UBE4B: variants seen among roughly 807,000 people sequenced by gnomAD.
UBE4B encodes ubiquitination factor E4B.
In UBE4B, 27 loss-of-function variants were observed where a neutral mutation model predicts 148.1. The observed-to-expected ratio is 0.18, with a 90% CI of 0.13 to 0.25. The LOEUF (loss-of-function observed/expected upper bound fraction) is 0.25, where lower values mean the gene tolerates loss of function less well. Among genes scored for constraint, UBE4B ranks in the 10% least tolerant of loss-of-function variants. The pLI is 1.00. For missense variants in UBE4B, 1,170 were observed against 1,662.4 expected (o/e 0.70, Z 5.15); for synonymous variants, 596 against 619.3 (o/e 0.96, Z 0.56).
chr1:10,062,204 G>A (rs189700711), intron 1 of UBE4B, among the ~76,000 whole-genome samples: 3 of 151,946 alleles, frequency 2.0e-5, no homozygotes, highest in African/African-American at 7.2e-5. Flanking sequence ...CACCACACCC[G>A]GCCCTATTTT....
rs1303758294 is a variant in UBE4B, at chr1:10,095,610, A to G, written c.347+14A>G. On this transcript the variant is annotated intron_variant, in intron 3 of 27. Transcript: ENST00000343090. ...ATGTGAGAAAAGGTAAAATGAAGCCAGTTTTCTAATATGCTCTTTTATTTA... is the reference window on the plus strand; with the variant it reads ...ATGTGAGAAAAGGTAAAATGAAGCCGGTTTTCTAATATGCTCTTTTATTTA... 1.2e-6 allele frequency: 2 copies of G among 1,613,956 alleles called. No homozygotes were observed. Among genetic ancestry groups the G allele is most frequent in the East Asian group, 4.5e-5 (2 of 44,880 alleles).
At position 10,132,278 on chromosome 1, in the gene UBE4B, G is replaced by A. The variant is rs773469281; in HGVS notation, c.1912-91G>A. 1.9e-5 allele frequency: 17 copies of A among 882,472 alleles called. No individual in the cohort carries two copies. In the East Asian group the frequency reaches 3.2e-4, roughly 16 times the overall value. 54.7% of individuals were successfully genotyped at this position (882,472 alleles called of 1,614,324 possible). On this transcript the variant is annotated intron_variant, in intron 14 of 27. Coordinates refer to ENST00000343090, the MANE Select transcript of UBE4B (RefSeq NM_001105562.3). ...GAGTAGAAGTGGGAGAGGAGAGAAC[G>A]TGGGAAGTAGGCTAGCTGTTCGTGA...
chr1:10,064,347 A>G (rs1644344145), intron 1 of UBE4B, among the ~76,000 whole-genome samples: 1 of 152,258 alleles, frequency 6.6e-6, no homozygotes, highest in Admixed American at 6.5e-5. Context: ...AGATGGTGAA[A>G]AAAAGGTGAT....
intron 1 of UBE4B, among the ~76,000 whole-genome samples, chr1:10,061,698 G>A (rs1401024571): frequency 6.6e-6 from 1 of 152,120 alleles, no homozygotes; most frequent in African/African-American, 2.4e-5. Flanking sequence ...TTGGACCCCT[G>A]CCCCAGGTAT....
At chr1:10,141,203 A>C (rs759731139) in intron 17 of UBE4B, among the ~76,000 whole-genome samples, 3 of 152,160 alleles carry the variant, frequency 2.0e-5, no homozygotes, top group African/African-American at 4.8e-5. Context: ...GAACCTGTGA[A>C]TATGTTATCT....
In UBE4B at chr1:10,053,785, G is replaced by A. The variant is rs147753372; in HGVS notation, c.25-18243G>A. Among the ~76,000 whole-genome samples the A allele has an allele frequency of 2.3e-3, 352 of 152,214 alleles. 3 individuals carry two copies. The highest frequency in any genetic ancestry group is 8.1e-3 in the African/African-American group (335 of 41,538). ...CTCACTTGCAGCCTCGACCTTTCGG[G>A]CTCAAGTGATCCTCCCACCTCAGCC... On this transcript the variant is annotated intron_variant, in intron 1 of 27. Coordinates refer to ENST00000343090, the MANE Select transcript of UBE4B (RefSeq NM_001105562.3).
At chr1:10,157,642 G>A (rs1446327324) in intron 21 of UBE4B, among the ~76,000 whole-genome samples, 2 of 152,086 alleles carry the variant, frequency 1.3e-5, no homozygotes, top group African/African-American at 4.8e-5. Flanking sequence ...GCAGGGCGTG[G>A]TGGCGCATGT....
At chr1:10,036,670 T>C (rs905873715) in intron 1 of UBE4B, among the ~76,000 whole-genome samples, 1 of 152,050 alleles carries the variant, frequency 6.6e-6, no homozygotes, top group African/African-American at 2.4e-5. Flanking sequence ...ATTAAAAATT[T>C]TTGAGGTTAG....
chr1:10,168,025 A>G lies in UBE4B; in HGVS notation c.3199-111A>G, dbSNP rs1646280432. The G allele has an allele frequency of 1.5e-6, 2 of 1,322,244 alleles. No homozygotes were observed. Among genetic ancestry groups the G allele is most frequent in the Non-Finnish European group, 2.0e-6 (2 of 1,006,510 alleles). 81.9% of individuals were successfully genotyped at this position (1,322,244 alleles called of 1,614,324 possible). A position where few individuals can be genotyped will look rare whatever the true frequency, so the allele number is the denominator to read the frequency against. On this transcript the variant is annotated intron_variant, in intron 23 of 27. Coordinates refer to ENST00000343090, the MANE Select transcript of UBE4B (RefSeq NM_001105562.3). The surrounding 1 kb of genome is among the most constrained non-coding windows in gnomAD (Gnocchi z 4.9). ...GGGACATGTGGCAGGCGGTTCTGTC[A>G]TTCCCTAAGCATGTTGGGTTTATCA... is the stretch of plus-strand genomic sequence containing the variant.
intron 1 of UBE4B, among the ~76,000 whole-genome samples, chr1:10,052,067 T>G (rs185390267): frequency 4.0e-5 from 6 of 151,706 alleles, no homozygotes; most frequent in Admixed American, 3.9e-4. Context: ...TCTAATAGTG[T>G]CATTTTTTTT....
At chr1:10,145,124 T>C in intron 18 of UBE4B, 85 bp downstream of exon 18, 1 of 1,009,284 alleles carries the variant, frequency 9.9e-7, no homozygotes, top group Non-Finnish European at 1.5e-6. Context: ...GTGAGCAGTT[T>C]AGTGTCCTCA....
chr1:10,114,347 TGAAAC>T (rs1645271706), intron 7 of UBE4B, among the ~76,000 whole-genome samples: 1 of 152,332 alleles, frequency 6.6e-6, no homozygotes, highest in South Asian at 2.1e-4. Flanking sequence ...TCGCAGGTCT[TGAAAC>T]TAACTAAAAT....
At chr1:10,113,078 A>G (rs527694919) in intron 7 of UBE4B, among the ~76,000 whole-genome samples, 29 of 152,274 alleles carry the variant, frequency 1.9e-4, no homozygotes, top group African/African-American at 7.0e-4. Context: ...TAATTGGCTC[A>G]TGGTACCTCA....
intron 1 of UBE4B, among the ~76,000 whole-genome samples, chr1:10,035,052 G>A (rs553633675): frequency 6.6e-6 from 1 of 152,116 alleles, no homozygotes; most frequent in Admixed American, 6.5e-5. Context: ...AGGCTGCAGT[G>A]CAGTGGCGCG....
chr1:10,098,508 CTA>C (rs1327000820), intron 3 of UBE4B, among the ~76,000 whole-genome samples: 1 of 152,186 alleles, frequency 6.6e-6, no homozygotes, highest in East Asian at 1.9e-4. Context: ...GTCCTGTAGA[CTA>C]TGAACTAGAG....
chr1:10,173,502 T>C (rs1169493614), intron 25 of UBE4B, among the ~76,000 whole-genome samples: 1 of 150,206 alleles, frequency 6.7e-6, no homozygotes, highest in Admixed American at 6.6e-5. Flanking sequence ...AAATTATATA[T>C]ATATATACAC....
chr1:10,070,739 A>G (rs889978335), intron 1 of UBE4B, among the ~76,000 whole-genome samples: 3 of 152,152 alleles, frequency 2.0e-5, no homozygotes, highest in Admixed American at 6.6e-5. Flanking sequence ...TTCTCTTTCA[A>G]TAAGATGTTG....
At chr1:10,157,564 G>A (rs1470664817) in intron 21 of UBE4B, among the ~76,000 whole-genome samples, 3 of 152,112 alleles carry the variant, frequency 2.0e-5, no homozygotes, top group Admixed American at 6.6e-5. Flanking sequence ...TGGATCATGA[G>A]GCCAAGAGAT....
chr1:10,107,526 A>T (rs1047308466), intron 7 of UBE4B, among the ~76,000 whole-genome samples: 1 of 151,516 alleles, frequency 6.6e-6, no homozygotes, highest in African/African-American at 2.4e-5. Context: ...AGACCTTCTC[A>T]TGGGATAAAG....
Sources: allele counts gnomAD v4.1 joint callset (sites outside exome capture counted in the v4.1 genomes callset), GRCh38; gene constraint gnomAD v4.1.1; non-coding constraint Gnocchi (gnomAD v3.1); transcripts MANE v1.5; gene names NCBI Gene and HGNC (gene_info 2026-07-23, HGNC 2026-07-21).